The following MAML3 variants were observed in gnomAD, a reference collection of about 807,000 sequenced individuals.
MAML3 encodes mastermind like transcriptional coactivator 3.
Under a neutral mutation model 101.9 loss-of-function variants are expected in MAML3, and 27 were observed. That is an observed-to-expected ratio of 0.27 (90% CI 0.20 to 0.37). The LOEUF (loss-of-function observed/expected upper bound fraction) is 0.37, where lower values mean the gene tolerates loss of function less well. MAML3 is among the 10% of genes least tolerant of loss of function. The pLI is 1.00. For missense variants in MAML3, 1,316 were observed against 1,444.9 expected, an observed-to-expected ratio of 0.91 and a Z score of 1.45; for synonymous variants, 501 against 555.9, an observed-to-expected ratio of 0.90 and a Z score of 1.39.
chr4:140,089,935 G>A (rs1017065590), intron 1 of MAML3, among the ~76,000 whole-genome samples: 3 of 152,152 alleles, frequency 2.0e-5, no homozygotes, highest in African/African-American at 4.8e-5. Flanking sequence ...ATGTGGTAGC[G>A]GTTAATCCAG....
intron 1 of MAML3, among the ~76,000 whole-genome samples, chr4:140,106,657 A>C (rs1425967364): frequency 6.6e-6 from 1 of 152,234 alleles, no homozygotes; most frequent in African/African-American, 2.4e-5. Context: ...ACTCAATTTC[A>C]TCACTTTTAA....
At chr4:139,893,547 C>T (rs1202326215) in intron 1 of MAML3, among the ~76,000 whole-genome samples, 1 of 152,082 alleles carries the variant, frequency 6.6e-6, no homozygotes, top group Non-Finnish European at 1.5e-5. Flanking sequence ...GGTTAATAAA[C>T]AATTGCAAAT....
intron 1 of MAML3, among the ~76,000 whole-genome samples, chr4:140,110,351 G>A (rs1158223756): frequency 1.3e-5 from 2 of 152,202 alleles, no homozygotes; most frequent in Admixed American, 6.5e-5. Context: ...AGGGGGAAAC[G>A]GCAGATGCCT....
intron 1 of MAML3, among the ~76,000 whole-genome samples, chr4:139,925,125 A>G (rs1240032942): frequency 1.3e-5 from 2 of 152,176 alleles, no homozygotes; most frequent in East Asian, 3.9e-4. Flanking sequence ...TAAGCAAAAC[A>G]TTTAGAGAGG....
intron 1 of MAML3, among the ~76,000 whole-genome samples, chr4:139,948,768 CTA>C (rs1282912712): frequency 1.3e-5 from 2 of 152,196 alleles, no homozygotes; most frequent in African/African-American, 4.8e-5. Flanking sequence ...TTACATGACA[CTA>C]TGTATGGACA....
chr4:140,092,076 G>GTATATATATACGTATATA (rs1553974722), intron 1 of MAML3, among the ~76,000 whole-genome samples: 9 of 64,022 alleles, frequency 1.4e-4, no homozygotes, highest in Admixed American at 3.0e-4. Context: ...ATATATATAC[G>GTATATATATACGTATATA]TATATATATA....
chr4:139,946,794 A>G (rs1022758646), intron 1 of MAML3, among the ~76,000 whole-genome samples: 6 of 152,164 alleles, frequency 3.9e-5, no homozygotes, highest in African/African-American at 1.4e-4. Context: ...ATTGAGGGTC[A>G]AGAAATACTA....
chr4:140,044,213 T>G (rs998971174), intron 1 of MAML3, among the ~76,000 whole-genome samples: 3 of 152,132 alleles, frequency 2.0e-5, no homozygotes, highest in Non-Finnish European at 2.9e-5. Flanking sequence ...CTGTTAACAT[T>G]GGAGATATAT....
intron 1 of MAML3, among the ~76,000 whole-genome samples, chr4:139,907,637 A>C (rs539212830): frequency 6.6e-6 from 1 of 152,314 alleles, no homozygotes; most frequent in African/African-American, 2.4e-5. Context: ...TCAGGTGTTG[A>C]GCTGAGTGCA....
At chr4:139,882,032 G>A (rs1020961411) in intron 2 of MAML3, among the ~76,000 whole-genome samples, 4 of 152,024 alleles carry the variant, frequency 2.6e-5, no homozygotes, top group African/African-American at 9.7e-5. Context: ...AATAGCCTTG[G>A]ATTGAAAAGG....
At chr4:140,062,422 T>C (rs10440457) in intron 1 of MAML3, among the ~76,000 whole-genome samples, 39,066 of 151,868 alleles carry the variant, frequency 0.26, 5,841 homozygotes, top group East Asian at 0.35. Flanking sequence ...CAGATATTCT[T>C]GGGGCAGGGC....
chr4:139,730,499 A>G lies in MAML3; in HGVS notation c.2248T>C (p.Leu750=), dbSNP rs1019734051. 7.1e-6 allele frequency: 11 copies of G among 1,554,776 alleles called. No individual in the cohort carries two copies. Among genetic ancestry groups the G allele is most frequent in the South Asian group, 1.2e-5 (1 of 84,202 alleles). ...KQMLIDQRAQ[L]IEQQKQQFLR... is the part of the protein sequence containing the mutation. ...AACTGTTGCTTCTGCTGCTCTATCA[A>G]CTGGGCCCGCTGATCAATGAGCATC... Residue 750 remains leucine (L), a synonymous_variant, in exon 3 of 5, where the codon TTG becomes CTG. Coordinates refer to ENST00000509479, the MANE Select transcript of MAML3 (RefSeq NM_018717.5).
At chr4:139,773,202 C>T (rs1730029550) in intron 2 of MAML3, among the ~76,000 whole-genome samples, 1 of 152,038 alleles carries the variant, frequency 6.6e-6, no homozygotes, top group Non-Finnish European at 1.5e-5. Flanking sequence ...CGTATTGGCT[C>T]ACCATACGCT....
chr4:140,130,586 T>C (rs574775960), intron 1 of MAML3, among the ~76,000 whole-genome samples: 1 of 152,330 alleles, frequency 6.6e-6, no homozygotes, highest in African/African-American at 2.4e-5. Flanking sequence ...TTAAAAATCA[T>C]TTAGAAATTG....
At position 139,865,500 on chromosome 4, in the gene MAML3, T is replaced by TTG. The variant is rs1553961161; in HGVS notation, c.2079+23856_2079+23857insCA. On this transcript the variant is annotated intron_variant, in intron 2 of 4. Transcript: ENST00000509479. ...TCTGTAAAAGGTTTTTTTTTTGTTT[T>TTG]TTTTTTTTTTCATTCTCTAACTAAA... 1.9e-4 allele frequency among the ~76,000 whole-genome samples: 28 copies of TTG among 150,726 alleles called. 1 individual carries two copies. In the South Asian group the frequency reaches 4.8e-3, roughly 26 times the overall value.
chr4:139,869,914 T>C (rs1731969702), intron 2 of MAML3, among the ~76,000 whole-genome samples: 1 of 152,232 alleles, frequency 6.6e-6, no homozygotes, highest in East Asian at 1.9e-4. Context: ...AGTGTCAACA[T>C]GTAGGCAAAA....
chr4:139,794,354 A>G (rs1277588479), intron 2 of MAML3: 1 of 152,272 alleles, frequency 6.6e-6, no homozygotes, highest in African/African-American at 2.4e-5. Flanking sequence ...GCAGACATCT[A>G]GTCAGCTGAT....
chr4:139,950,403 GC>G (rs1733812774), intron 1 of MAML3, among the ~76,000 whole-genome samples: 1 of 152,096 alleles, frequency 6.6e-6, no homozygotes, highest in African/African-American at 2.4e-5. Context: ...GGACTTGCCA[GC>G]CCCCACAGTC....
At chr4:139,909,061 C>T (rs1208892594) in intron 1 of MAML3, among the ~76,000 whole-genome samples, 1 of 152,134 alleles carries the variant, frequency 6.6e-6, no homozygotes, top group African/African-American at 2.4e-5. Context: ...TAGAGGTTTG[C>T]GTGGAGGTCT....
Sources: gnomAD v4.1 joint callset for allele counts (sites outside exome capture counted in the v4.1 genomes callset) on GRCh38, gnomAD v4.1.1 for gene constraint, MANE v1.5 for transcripts, NCBI Gene and HGNC (gene_info 2026-07-23, HGNC 2026-07-21) for gene names.